CALD1: variants seen among roughly 807,000 people sequenced by gnomAD.
The protein encoded by CALD1 is caldesmon.
A neutral mutation model predicts 99.9 loss-of-function variants in CALD1; 33 were observed. That is an observed-to-expected ratio of 0.33 (90% confidence interval 0.25 to 0.44). The LOEUF (loss-of-function observed/expected upper bound fraction) is 0.44, where lower values mean the gene tolerates loss of function less well. CALD1 is among the 20% of genes least tolerant of loss of function. The pLI is 1.00. For missense variants in CALD1, 861 were observed against 962.1 expected (o/e 0.89, Z 1.39); for synonymous variants, 310 against 325.0 (o/e 0.95, Z 0.50).
the CALD1 span, among the ~76,000 whole-genome samples, chr7:134,737,025 G>GTA: frequency 6.6e-6 from 1 of 151,960 alleles, no homozygotes; most frequent in Non-Finnish European, 1.5e-5. Context: ...ATCCATTTAT[G>GTA]TATATATATC....
At chr7:134,948,331 T>C (rs957210826) in intron 8 of CALD1, among the ~76,000 whole-genome samples, 4 of 152,028 alleles carry the variant, frequency 2.6e-5, no homozygotes, top group Admixed American at 2.0e-4. Flanking sequence ...GTGCCTGACA[T>C]GCAGGAAGAG....
At chr7:134,850,507 C>G (rs1489987473) in intron 2 of CALD1, among the ~76,000 whole-genome samples, 2 of 152,180 alleles carry the variant, frequency 1.3e-5, no homozygotes, top group Non-Finnish European at 2.9e-5. Flanking sequence ...AGGATTGTCA[C>G]AAGGATTTAA....
rs199686250 is a variant in CALD1 at position 134,763,090 on chromosome 7, ATCTG to A, written c.-130+18735_-130+18738del. On this transcript the variant is annotated intron_variant, in intron 1 of 13. Transcript: ENST00000417172. ...ATTTATCTATCTAATCTAACTATTT[ATCTG>A]TCTGTCTATCTAATCGATCTCTCAG... 1.6e-3 allele frequency among the ~76,000 whole-genome samples: 239 copies of A among 152,316 alleles called. 2 individuals are homozygous for A. Among genetic ancestry groups the A allele is most frequent in the African/African-American group, 3.9e-3 (161 of 41,564 alleles).
intron 4 of CALD1, among the ~76,000 whole-genome samples, chr7:134,931,523 T>C (rs1353196069): frequency 6.6e-6 from 1 of 152,230 alleles, no homozygotes; most frequent in Non-Finnish European, 1.5e-5. Context: ...CATTGTTAAA[T>C]ATGAAATGTG....
chr7:134,844,516 TCA>T (rs773459912), intron 2 of CALD1, among the ~76,000 whole-genome samples: 20 of 152,318 alleles, frequency 1.3e-4, no homozygotes, highest in Admixed American at 5.2e-4. Flanking sequence ...TTTCACTCAT[TCA>T]CAGTTTTGCT....
rs1268133107 is a variant in CALD1, at chr7:134,917,572, ACTC to A, written c.72-11179_72-11177del. Among the ~76,000 whole-genome samples the A allele has an allele frequency of 2.6e-5, 4 of 152,136 alleles. No individual in the cohort carries two copies. The South Asian group carries it at 6.2e-4, about 24-fold the overall frequency. On this transcript the variant is annotated intron_variant, in intron 3 of 14. Transcript: ENST00000361675. ...ACCATGTTGGCCAGGCTGGTCTCGA[ACTC>A]CTGACCTCAGATGATCCACCCACCT...
At chr7:134,934,515 G>A (rs1467348212) in intron 5 of CALD1, among the ~76,000 whole-genome samples, 1 of 152,030 alleles carries the variant, frequency 6.6e-6, no homozygotes, top group African/African-American at 2.4e-5. Context: ...TGGGTTTGAC[G>A]TTGAATTAAA....
At chr7:134,907,208 T>C (rs1803453808) in intron 3 of CALD1, among the ~76,000 whole-genome samples, 1 of 152,074 alleles carries the variant, frequency 6.6e-6, no homozygotes, top group African/African-American at 2.4e-5. Context: ...CTGACACAGA[T>C]CATAACAGGG....
At chr7:134,944,686 A>G (rs1290750551) in intron 7 of CALD1, 1 of 152,196 alleles carries the variant, frequency 6.6e-6, no homozygotes, top group African/African-American at 2.4e-5. Flanking sequence ...TCCTTAGACA[A>G]AAGTGTCAGG....
rs147347138 is a variant in CALD1 at position 134,885,228 on chromosome 7, C to T, written c.71+17424C>T. On this transcript the variant is annotated intron_variant, in intron 3 of 14. Coordinates refer to ENST00000361675, the MANE Select transcript of CALD1 (RefSeq NM_033138.4). ...GATTACAGGTGTGAGCCCCGACACC[C>T]GGCACCATACGTTTATTTCTATCTG... is the stretch of plus-strand genomic sequence containing the variant. 2.3e-3 allele frequency among the ~76,000 whole-genome samples: 357 copies of T among 152,256 alleles called. 6 individuals are homozygous for T. The highest frequency in any genetic ancestry group is 8.3e-3 in the African/African-American group (346 of 41,536).
rs748165535 is a variant in CALD1 at position 134,933,653 on chromosome 7, T to C, written c.884T>C (p.Ile295Thr). The C allele has an allele frequency of 1.9e-6, 3 of 1,603,524 alleles. No individual in the cohort carries two copies. Among genetic ancestry groups the C allele is most frequent in the East Asian group, 2.2e-5 (1 of 44,712 alleles). Residue 295 changes from isoleucine to threonine, a missense_variant, in exon 5 of 15, where the codon ATT (isoleucine) becomes ACT (threonine). Physicochemically the swap from Ile to Thr is moderately conservative, Grantham distance 89. Around this residue, in one of 5 missense-constraint regions of CALD1, gnomAD observed 234 missense variants for 233.1 expected, o/e 1.00. Coordinates refer to ENST00000361675, the MANE Select transcript of CALD1 (RefSeq NM_033138.4). ...AAGATAGCAGATGAACGAGCAAGAA[T>C]TGAAGCAGAAGAAAAAGCAGCTGCC... ...DKKIADERAR[I>T]EAEEKAAAQE...
At chr7:134,853,142 G>A (rs1800149584) in intron 2 of CALD1, among the ~76,000 whole-genome samples, 1 of 152,082 alleles carries the variant, frequency 6.6e-6, no homozygotes, top group South Asian at 2.1e-4. Flanking sequence ...CATGAATTCT[G>A]GCAACAGTTT....
chr7:134,873,887 C>T (rs761329709), intron 3 of CALD1, among the ~76,000 whole-genome samples: 2 of 152,110 alleles, frequency 1.3e-5, no homozygotes, highest in African/African-American at 2.4e-5. Context: ...TCAATAAACT[C>T]ATTATTAATT....
intron 1 of CALD1, among the ~76,000 whole-genome samples, chr7:134,800,477 A>G (rs1018351372): frequency 4.6e-5 from 7 of 152,236 alleles, no homozygotes; most frequent in African/African-American, 1.7e-4. Flanking sequence ...ATGTTGCTTA[A>G]TACACATAAG....
At chr7:134,799,206 T>C (rs941716781) in intron 1 of CALD1, among the ~76,000 whole-genome samples, 2 of 152,202 alleles carry the variant, frequency 1.3e-5, no homozygotes, top group South Asian at 4.1e-4. Context: ...TTCTTTGGTA[T>C]CTTCATATCA....
chr7:134,886,965 C>T lies in CALD1; in HGVS notation c.71+19161C>T, dbSNP rs368733722. Among the ~76,000 whole-genome samples, 18 of 152,264 alleles carry T rather than the reference C, an allele frequency of 1.2e-4. 1 individual carries two copies. The highest frequency in any genetic ancestry group is 7.8e-4 in the Admixed American group (12 of 15,302). On this transcript the variant is annotated intron_variant, in intron 3 of 14. Transcript: ENST00000361675. ...TAGTAAACATTCCAATAGTGCTACG[C>T]GAAGCAAAGCAAAAAGGAATGTGCT...
chr7:134,912,717 T>G (rs1803906248), intron 3 of CALD1, among the ~76,000 whole-genome samples: 1 of 152,210 alleles, frequency 6.6e-6, no homozygotes, highest in African/African-American at 2.4e-5. Flanking sequence ...TCTAATGTAT[T>G]TAAAAATCTC....
chr7:134,842,988 G>T (rs1166530984), intron 1 of CALD1, among the ~76,000 whole-genome samples: 11 of 152,176 alleles, frequency 7.2e-5, no homozygotes. Context: ...CCGAGGAGAT[G>T]GTTAAATCAA....
At chr7:134,924,637 T>C (rs1804856743) in intron 3 of CALD1, among the ~76,000 whole-genome samples, 1 of 152,198 alleles carries the variant, frequency 6.6e-6, no homozygotes, top group African/African-American at 2.4e-5. Flanking sequence ...ATTTTAGCTC[T>C]TTTTTTGTTC....
Sources: gnomAD v4.1 joint callset for allele counts (sites outside exome capture counted in the v4.1 genomes callset) on GRCh38, gnomAD v4.1.1 for gene constraint, gnomAD v4.1.1 regional missense constraint, MANE v1.5 for transcripts, NCBI Gene and HGNC (gene_info 2026-07-23, HGNC 2026-07-21) for gene names.